Variants in HS3ST4 observed in about 807,000 individuals in gnomAD.
HS3ST4 encodes the protein heparan sulfate-glucosamine 3-sulfotransferase 4.
A neutral mutation model predicts 29.2 loss-of-function variants in HS3ST4; 17 were observed. That is an observed-to-expected ratio of 0.58 (90% CI 0.40 to 0.87). The LOEUF (loss-of-function observed/expected upper bound fraction) is 0.87, where lower values mean the gene tolerates loss of function less well. Among genes scored for constraint, HS3ST4 ranks in the 40% least tolerant of loss-of-function variants. The pLI, the probability that HS3ST4 is intolerant of heterozygous loss-of-function variation, is 0.00. For synonymous variants in HS3ST4, 314 were observed against 285.7 expected (o/e 1.10, Z -1.00); for missense variants, 627 against 634.5 (o/e 0.99, Z 0.13).
chr16:26,075,083 C>T (rs181723299), intron 1 of HS3ST4, among the ~76,000 whole-genome samples: 9 of 152,242 alleles, frequency 5.9e-5, no homozygotes, highest in Non-Finnish European at 7.4e-5. Context: ...GTCCCAGCTA[C>T]GCAGGAGGCT....
intron 1 of HS3ST4, among the ~76,000 whole-genome samples, chr16:26,118,810 G>T (rs1374299094): frequency 6.6e-6 from 1 of 152,092 alleles, no homozygotes; most frequent in Non-Finnish European, 1.5e-5. Context: ...CGGTGTTGCT[G>T]GGACTTTGTT....
chr16:26,008,525 A>T lies in HS3ST4; in HGVS notation c.735-127087A>T, dbSNP rs182764682. 3.3e-3 allele frequency among the ~76,000 whole-genome samples: 505 copies of T among 152,290 alleles called. 2 individuals carry two copies. Among genetic ancestry groups the T allele is most frequent in the Admixed American group, 3.9e-3 (59 of 15,294 alleles). On this transcript the variant is annotated intron_variant, in intron 1 of 1. Coordinates refer to ENST00000331351, the MANE Select transcript of HS3ST4 (RefSeq NM_006040.3). ...TCCAATGATTTCAACTTGAAGTAAG[A>T]TACCAATCCAGGGCCAGGCACGTTG... is the stretch of plus-strand genomic sequence containing the variant.
intron 1 of HS3ST4, among the ~76,000 whole-genome samples, chr16:25,829,284 C>T (rs188657861): frequency 1.1e-3 from 173 of 152,230 alleles, no homozygotes; most frequent in African/African-American, 3.7e-3. Flanking sequence ...AGCTTGCTGC[C>T]TAGAGGAGAA....
chr16:25,697,834 A>G (rs909229035), intron 1 of HS3ST4, among the ~76,000 whole-genome samples: 17 of 152,208 alleles, frequency 1.1e-4, no homozygotes, highest in Middle Eastern at 3.4e-3. Context: ...CACCACGTCC[A>G]GCAAATTTTT....
At chr16:25,758,801 C>T (rs188841538) in intron 1 of HS3ST4, among the ~76,000 whole-genome samples, 72 of 151,808 alleles carry the variant, frequency 4.7e-4, no homozygotes, top group African/African-American at 1.7e-3. Flanking sequence ...ACTAAAAATA[C>T]AAAAATTAGC....
At chr16:25,729,959 T>A (rs2141593153) in intron 1 of HS3ST4, among the ~76,000 whole-genome samples, 1 of 152,280 alleles carries the variant, frequency 6.6e-6, no homozygotes, top group East Asian at 1.9e-4. Flanking sequence ...GATTCCCTTG[T>A]CTAACCACAA....
intron 1 of HS3ST4, among the ~76,000 whole-genome samples, chr16:25,879,457 A>G (rs1193716529): frequency 6.6e-6 from 1 of 152,148 alleles, no homozygotes; most frequent in African/African-American, 2.4e-5. Flanking sequence ...CACGTCTCGC[A>G]TGGCAGCAGA....
chr16:25,903,617 A>T (rs1968144850), intron 1 of HS3ST4, among the ~76,000 whole-genome samples: 1 of 152,068 alleles, frequency 6.6e-6, no homozygotes, highest in African/African-American at 2.4e-5. Flanking sequence ...ATACTTGTCC[A>T]CATCTTTACC....
At chr16:26,115,626 C>G (rs1899193180) in intron 1 of HS3ST4, among the ~76,000 whole-genome samples, 1 of 152,054 alleles carries the variant, frequency 6.6e-6, no homozygotes, top group South Asian at 2.1e-4. Context: ...TATCCTAACT[C>G]AAGGTACACA....
Position 25,848,557 on chromosome 16 carries a change from T to C in HS3ST4, c.734+155406T>C, listed in dbSNP as rs561773451. ...CATTTAATCTAGATGTTCAGATTTA[T>C]TGATGTAAATTTATATCTAGTATAA... On this transcript the variant is annotated intron_variant, in intron 1 of 1. Coordinates refer to ENST00000331351, the MANE Select transcript of HS3ST4 (RefSeq NM_006040.3). Among the ~76,000 whole-genome samples the C allele has an allele frequency of 9.2e-5, 14 of 152,288 alleles. No homozygotes were observed. In the South Asian group the frequency reaches 2.1e-3, roughly 23 times the overall value.
At position 25,706,794 on chromosome 16, in the gene HS3ST4, A is replaced by G. The variant is rs557481411; in HGVS notation, c.734+13643A>G. Among the ~76,000 whole-genome samples the G allele has an allele frequency of 9.2e-5, 14 of 152,324 alleles. No homozygotes were observed. In the South Asian group the frequency reaches 2.9e-3, roughly 32 times the overall value. On this transcript the variant is annotated intron_variant, in intron 1 of 1. Transcript: ENST00000331351. ...TATGAACCAACTGACTTTAAATGGG[A>G]GATTGTCCTGAATTATTTGGTTGGA...
intron 1 of HS3ST4, among the ~76,000 whole-genome samples, chr16:26,039,255 T>A (rs1363637851): frequency 6.6e-6 from 1 of 152,206 alleles, no homozygotes; most frequent in Non-Finnish European, 1.5e-5. Context: ...AGTGAAGATG[T>A]CTATTACACT....
intron 1 of HS3ST4, among the ~76,000 whole-genome samples, chr16:25,913,706 G>A (rs1439756979): frequency 2.0e-5 from 3 of 152,126 alleles, no homozygotes. Flanking sequence ...CAGAGAGCAT[G>A]TGTGTGTGTA....
chr16:25,828,859 A>G (rs1295401682), intron 1 of HS3ST4, among the ~76,000 whole-genome samples: 1 of 152,218 alleles, frequency 6.6e-6, no homozygotes, highest in Non-Finnish European at 1.5e-5. Context: ...ACAAGTGATT[A>G]AACTTACTTG....
intron 1 of HS3ST4, among the ~76,000 whole-genome samples, chr16:25,940,671 A>G (rs1168095989): frequency 6.6e-6 from 1 of 152,220 alleles, no homozygotes; most frequent in East Asian, 1.9e-4. Flanking sequence ...AACTATGCAC[A>G]GATCATAATT....
intron 1 of HS3ST4, among the ~76,000 whole-genome samples, chr16:25,865,237 A>T (rs1469171855): frequency 6.6e-6 from 1 of 152,196 alleles, no homozygotes; most frequent in Non-Finnish European, 1.5e-5. Context: ...ACTTTTTTCC[A>T]TAATGGCTGT....
intron 1 of HS3ST4, among the ~76,000 whole-genome samples, chr16:25,818,168 G>A (rs1967114122): frequency 6.6e-6 from 1 of 152,232 alleles, no homozygotes; most frequent in African/African-American, 2.4e-5. Flanking sequence ...CTAAAAGTTT[G>A]TGTATCCCCC....
intron 1 of HS3ST4, among the ~76,000 whole-genome samples, chr16:25,813,851 G>T (rs919941763): frequency 6.6e-6 from 1 of 152,166 alleles, no homozygotes; most frequent in South Asian, 2.1e-4. Flanking sequence ...TATCGGGTGA[G>T]TGGATAAATA....
chr16:25,845,312 C>G (rs1248845934), intron 1 of HS3ST4, among the ~76,000 whole-genome samples: 1 of 152,108 alleles, frequency 6.6e-6, no homozygotes, highest in African/African-American at 2.4e-5. Context: ...AGTTTAAGAC[C>G]AGCCTGGCCC....
Sources: allele counts gnomAD v4.1 joint callset (sites outside exome capture counted in the v4.1 genomes callset), GRCh38; gene constraint gnomAD v4.1.1; transcripts MANE v1.5; gene names NCBI Gene and HGNC (gene_info 2026-07-23, HGNC 2026-07-21).